The following CMBL variants were observed in gnomAD, a reference collection of about 807,000 sequenced individuals.
The protein encoded by CMBL is carboxymethylenebutenolidase homolog (Pseudomonas).
In CMBL, 17 loss-of-function variants were observed where a neutral mutation model predicts 28.7. That is an observed-to-expected ratio of 0.59 (90% CI 0.41 to 0.89). The LOEUF (loss-of-function observed/expected upper bound fraction) is 0.89. Among genes scored for constraint, CMBL ranks in the 40% least tolerant of loss-of-function variants. The pLI, the probability that CMBL is intolerant of heterozygous loss-of-function variation, is 0.00. For missense variants in CMBL, 310 were observed against 298.5 expected (o/e 1.04, Z -0.28); for synonymous variants, 106 against 101.6 (o/e 1.04, Z -0.26).
In CMBL at chr5:10,279,425, T is replaced by A. The variant is rs905419778; in HGVS notation, c.*1028A>T. The A allele has an allele frequency of 5.9e-5, 9 of 152,210 alleles. No individual in the cohort carries two copies. Among genetic ancestry groups the A allele is most frequent in the African/African-American group, 2.2e-4 (9 of 41,464 alleles). The allele number at this position is 152,210 out of a possible 1,614,324, so 9.4% of individuals were successfully genotyped here. A position where few individuals can be genotyped will look rare whatever the true frequency, so the allele number is the denominator to read the frequency against. ...ATAAGTGTCTAAGCTGGGCAGTTAGTCTACCCGTTTATAGTTCATGTTCTT... is the reference window on the plus strand; with the variant it reads ...ATAAGTGTCTAAGCTGGGCAGTTAGACTACCCGTTTATAGTTCATGTTCTT... On this transcript the variant is annotated 3_prime_UTR_variant, in exon 6 of 6. Transcript: ENST00000296658.
chr5:10,307,465 C>G (rs1046895454), intron 1 of CMBL, 160 bp downstream of exon 1: 1 of 152,242 alleles, frequency 6.6e-6, no homozygotes, highest in Non-Finnish European at 1.5e-5. Context: ...GACAACGTAT[C>G]ACTTTTATGA....
intron 1 of CMBL, among the ~76,000 whole-genome samples, chr5:10,300,886 A>G (rs1746887586): frequency 6.7e-6 from 1 of 148,824 alleles, no homozygotes; most frequent in Non-Finnish European, 1.5e-5. Flanking sequence ...AAATAGAAAT[A>G]CAAAACTTGA....
rs183391949 is a variant in CMBL at position 10,282,174 on chromosome 5, G to A, written c.558+23C>T. The A allele has an allele frequency of 1.5e-3, 2,291 of 1,515,000 alleles. 3 individuals carry two copies. The highest frequency in any genetic ancestry group is 1.9e-3 in the Non-Finnish European group (2,067 of 1,090,004). The allele number at this position is 1,515,000 out of a possible 1,614,324, so 93.8% of individuals were successfully genotyped here. A position where few individuals can be genotyped will look rare whatever the true frequency, so the allele number is the denominator to read the frequency against. ...GACTCCATCTCAAATAAATAAATAC[G>A]AAGAGAAAAGATGCCAACTTACGTC... is the stretch of plus-strand genomic sequence containing the variant. On this transcript the variant is annotated intron_variant, in intron 5 of 5. Transcript: ENST00000296658.
chr5:10,285,118 C>A lies in CMBL; in HGVS notation c.466+1236G>T, dbSNP rs554003322. Among the ~76,000 whole-genome samples, 3 of 152,232 alleles carry A rather than the reference C, an allele frequency of 2.0e-5. No individual in the cohort carries two copies. In the East Asian group the frequency reaches 5.8e-4, roughly 29 times the overall value. ...TTCTGGGCTCAAGTGATTCTCCTGCCTCAGCCTCCTGAGAGGCTGGGACCA... is the reference window on the plus strand; with the variant it reads ...TTCTGGGCTCAAGTGATTCTCCTGCATCAGCCTCCTGAGAGGCTGGGACCA... On this transcript the variant is annotated intron_variant, in intron 4 of 5. Transcript: ENST00000296658.
intron 1 of CMBL, among the ~76,000 whole-genome samples, chr5:10,304,015 G>A (rs1171209797): frequency 2.0e-5 from 3 of 152,048 alleles, no homozygotes; most frequent in African/African-American, 7.2e-5. Flanking sequence ...TTTGAACATG[G>A]CTCCCATGAA....
At chr5:10,306,448 G>C (rs1747002832) in intron 1 of CMBL, among the ~76,000 whole-genome samples, 1 of 152,106 alleles carries the variant, frequency 6.6e-6, no homozygotes, top group African/African-American at 2.4e-5. Context: ...GGGAGGCGCA[G>C]CGGGGAGGAG....
At chr5:10,297,547 C>A (rs933440516) in intron 1 of CMBL, among the ~76,000 whole-genome samples, 54 of 109,034 alleles carry the variant, frequency 5.0e-4, no homozygotes, top group African/African-American at 1.6e-3. Context: ...CCAGCCCGGA[C>A]AAGAAGATCG....
At position 10,280,529 on chromosome 5, in the gene CMBL, T is replaced by A; in HGVS notation, c.662A>T (p.Asp221Val). The A allele has an allele frequency of 6.2e-7, 1 of 1,613,954 alleles. No homozygotes were observed. The highest frequency in any genetic ancestry group is 8.5e-7 in the Non-Finnish European group (1 of 1,179,862). ...GTAGGGCTTGTCTGCAGGTGAGCAA[T>A]CTTCTCTCTTCCGATGCACGAACCC... ...THGFVHRKRE[D>V]CSPADKPYID... is the part of the protein sequence containing the mutation. Residue 221 changes from aspartate to valine, a missense_variant, in exon 6 of 6, where the codon GAT becomes GTT. Coordinates refer to ENST00000296658, the MANE Select transcript of CMBL (RefSeq NM_138809.4).
In CMBL at chr5:10,289,182, C is replaced by T. The variant is rs1746660659; in HGVS notation, c.216-653G>A. ...CCTGGTTGGAGGAACAGGGCTCCTCCTATAGGGGTAGAAGAACACTGAAAC... is the reference window on the plus strand; with the variant it reads ...CCTGGTTGGAGGAACAGGGCTCCTCTTATAGGGGTAGAAGAACACTGAAAC... On this transcript the variant is annotated intron_variant, in intron 2 of 5. Coordinates refer to ENST00000296658, the MANE Select transcript of CMBL (RefSeq NM_138809.4). This position sits in a 1 kb window ranked among gnomAD's most constrained non-coding sequence, Gnocchi z 4.3. 6.6e-6 allele frequency among the ~76,000 whole-genome samples: 1 copy of T among 152,122 alleles called. No individual in the cohort carries two copies.
intron 1 of CMBL, among the ~76,000 whole-genome samples, chr5:10,298,354 C>A (rs189264369): frequency 6.6e-6 from 1 of 151,964 alleles, no homozygotes; most frequent in African/African-American, 2.4e-5. Context: ...AAAACATAAA[C>A]CATAAAGAAA....
intron 1 of CMBL, among the ~76,000 whole-genome samples, chr5:10,305,674 C>T (rs947344448): frequency 2.6e-5 from 4 of 152,122 alleles, no homozygotes; most frequent in Admixed American, 6.5e-5. Flanking sequence ...CTGGTTCAAA[C>T]GATATTCCTG....
intron 1 of CMBL, among the ~76,000 whole-genome samples, chr5:10,301,333 A>G (rs1579477927): frequency 6.6e-6 from 1 of 152,340 alleles, no homozygotes; most frequent in Non-Finnish European, 1.5e-5. Context: ...ACTGGACTGT[A>G]GTTTTCTTGG....
At chr5:10,290,523 CA>C (rs767067436) in intron 2 of CMBL, 24 bp downstream of exon 2, 1 of 1,585,138 alleles carries the variant, frequency 6.3e-7, no homozygotes, top group Non-Finnish European at 8.7e-7. Flanking sequence ...TGAATTTAAA[CA>C]AAGAAACACA....
chr5:10,297,296 G>A (rs569687958), intron 1 of CMBL, among the ~76,000 whole-genome samples: 3 of 152,082 alleles, frequency 2.0e-5, no homozygotes, highest in Non-Finnish European at 4.4e-5. Context: ...GAGGCCGGGC[G>A]TGGTGGCTCA....
chr5:10,298,755 TG>T, intron 1 of CMBL, among the ~76,000 whole-genome samples: 1 of 152,034 alleles, frequency 6.6e-6, no homozygotes, highest in East Asian at 1.9e-4. Context: ...TAGCCAGGCA[TG>T]GTGGTGAGCG....
At chr5:10,290,850 C>A in intron 1 of CMBL, 69 bp from the exon 2 acceptor site, 1 of 1,186,338 alleles carries the variant, frequency 8.4e-7, no homozygotes, top group Non-Finnish European at 1.2e-6. Flanking sequence ...GGTAAGTAAA[C>A]CTCAAATCAA....
intron 1 of CMBL, among the ~76,000 whole-genome samples, chr5:10,307,034 C>T (rs1190690428): frequency 6.6e-6 from 1 of 152,176 alleles, no homozygotes; most frequent in African/African-American, 2.4e-5. Flanking sequence ...GCCTGCCCGA[C>T]CCACATGGCT....
intron 4 of CMBL, among the ~76,000 whole-genome samples, chr5:10,284,190 G>C (rs150927387): frequency 1.6e-4 from 25 of 152,300 alleles, no homozygotes; most frequent in African/African-American, 5.8e-4. Context: ...GGTGGCGCCG[G>C]GGAGGCATCC....
At chr5:10,291,598 T>C (rs1267856042) in intron 1 of CMBL, among the ~76,000 whole-genome samples, 1 of 151,176 alleles carries the variant, frequency 6.6e-6, no homozygotes, top group Non-Finnish European at 1.5e-5. Context: ...GAGGCGGAGC[T>C]TGCAGTGAGC....
Sources: gnomAD v4.1 joint callset for allele counts (sites outside exome capture counted in the v4.1 genomes callset) on GRCh38, gnomAD v4.1.1 for gene constraint, Gnocchi (gnomAD v3.1) non-coding constraint, MANE v1.5 for transcripts, NCBI Gene and HGNC (gene_info 2026-07-23, HGNC 2026-07-21) for gene names.